The following DLGAP2 variants were observed in gnomAD, a reference collection of about 807,000 sequenced individuals.
The protein encoded by DLGAP2 is disks large-associated protein 2.
A neutral mutation model predicts 100.3 loss-of-function variants in DLGAP2; 26 were observed. That is an observed-to-expected ratio of 0.26 (90% CI 0.19 to 0.36). The LOEUF (loss-of-function observed/expected upper bound fraction) is 0.36. Among genes scored for constraint, DLGAP2 ranks in the 10% least tolerant of loss-of-function variants. DLGAP2 has a pLI of 1.00. For missense variants in DLGAP2, 1,858 were observed against 1,453.2 expected (o/e 1.28, Z -4.53); for synonymous variants, 886 against 630.1 (o/e 1.41, Z -6.08).
chr8:1,149,826 G>T (rs1040598783), intron 2 of DLGAP2, among the ~76,000 whole-genome samples: 4 of 151,934 alleles, frequency 2.6e-5, no homozygotes, highest in Non-Finnish European at 5.9e-5. Context: ...TTCACTTTCA[G>T]TAGTTCCTGA....
At chr8:982,420 C>T (rs1800363548) in intron 2 of DLGAP2, among the ~76,000 whole-genome samples, 1 of 152,198 alleles carries the variant, frequency 6.6e-6, no homozygotes, top group African/African-American at 2.4e-5. Flanking sequence ...CTAAGTGGAG[C>T]TGTTTAGCAA....
At chr8:1,659,713 C>G (rs752922059) in intron 8 of DLGAP2, among the ~76,000 whole-genome samples, 5 of 152,110 alleles carry the variant, frequency 3.3e-5, no homozygotes, top group Non-Finnish European at 7.4e-5. Context: ...TCCTCCATCC[C>G]TTTACTTTGA....
At chr8:1,617,207 T>C (rs1440383921) in intron 6 of DLGAP2, among the ~76,000 whole-genome samples, 7 of 152,252 alleles carry the variant, frequency 4.6e-5, no homozygotes, top group Non-Finnish European at 8.8e-5. Context: ...TGTGTTTTAA[T>C]GGTAGAATGA....
At chr8:824,476 C>T (rs1458452208) in intron 1 of DLGAP2, among the ~76,000 whole-genome samples, 1 of 152,148 alleles carries the variant, frequency 6.6e-6, no homozygotes, top group African/African-American at 2.4e-5. Flanking sequence ...CTTACTTTTC[C>T]TATATAAATA....
At chr8:1,635,971 C>T (rs1233772857) in intron 8 of DLGAP2, among the ~76,000 whole-genome samples, 1 of 152,204 alleles carries the variant, frequency 6.6e-6, no homozygotes, top group Non-Finnish European at 1.5e-5. Context: ...CCAGTAAGAA[C>T]AGAATACCCT....
chr8:792,910 C>T (rs925988097), intron 1 of DLGAP2, among the ~76,000 whole-genome samples: 4 of 152,060 alleles, frequency 2.6e-5, no homozygotes, highest in African/African-American at 9.7e-5. Context: ...TTTCACTTCC[C>T]ACGCATTTCT....
chr8:963,047 G>A (rs779791891), intron 2 of DLGAP2, among the ~76,000 whole-genome samples: 9 of 152,160 alleles, frequency 5.9e-5, no homozygotes, highest in African/African-American at 1.4e-4. Flanking sequence ...CCTCTCATCC[G>A]GGACTGTGTG....
At chr8:1,180,272 C>G (rs1259916949) in intron 2 of DLGAP2, among the ~76,000 whole-genome samples, 2 of 152,220 alleles carry the variant, frequency 1.3e-5, no homozygotes, top group Admixed American at 6.5e-5. Context: ...AACCCACATG[C>G]CAGTCAGACG....
chr8:1,052,285 C>G (rs2600516), intron 2 of DLGAP2, among the ~76,000 whole-genome samples: 1 of 152,218 alleles, frequency 6.6e-6, no homozygotes, highest in Admixed American at 6.5e-5. Context: ...TTCCTCCTTT[C>G]TACAAACTCT....
intron 3 of DLGAP2, among the ~76,000 whole-genome samples, chr8:1,409,939 A>G (rs977468456): frequency 1.3e-5 from 2 of 152,114 alleles, no homozygotes; most frequent in Non-Finnish European, 2.9e-5. Context: ...CTCCATAATC[A>G]TATGATCCAG....
At chr8:1,233,489 C>T (rs1218303807) in intron 2 of DLGAP2, among the ~76,000 whole-genome samples, 1 of 152,154 alleles carries the variant, frequency 6.6e-6, no homozygotes. Context: ...TCGCAGAGCG[C>T]AGGGAAGGTT....
chr8:1,389,521 G>C (rs1222917762), intron 3 of DLGAP2, among the ~76,000 whole-genome samples: 2 of 152,202 alleles, frequency 1.3e-5, no homozygotes, highest in African/African-American at 2.4e-5. Flanking sequence ...AAGAGGTGTG[G>C]ACGAGGCCGC....
chr8:1,503,263 C>T (rs1405549525), intron 4 of DLGAP2, among the ~76,000 whole-genome samples: 4 of 152,198 alleles, frequency 2.6e-5, no homozygotes, highest in African/African-American at 9.6e-5. Flanking sequence ...AAGTAAAACT[C>T]TGTCCCCATG....
Position 1,437,813 on chromosome 8 carries a change from CAAAAAAAAAA to C in DLGAP2, c.107-63539_107-63530del, listed in dbSNP as rs59165125. Reference sequence around the variant, plus strand: ...TGAAACCCCGTCTCTACTAAAAATACAAAAAAAAAAAAAAAAAAAAAAATTAGCCGGGCGT... The same window carrying C: ...TGAAACCCCGTCTCTACTAAAAATACAAAAAAAAAAAAATTAGCCGGGCGT... On this transcript the variant is annotated intron_variant, in intron 3 of 14. Transcript: ENST00000637795. Among the ~76,000 whole-genome samples the C allele has an allele frequency of 1.9e-4, 16 of 85,232 alleles. No individual in the cohort carries two copies. In the South Asian group the frequency reaches 2.1e-3, roughly 11 times the overall value. The allele number at this position is 85,232 out of a possible 152,430, so 55.9% of individuals were successfully genotyped here. A position where few individuals can be genotyped will look rare whatever the true frequency, so the allele number is the denominator to read the frequency against.
At chr8:1,648,483 C>T (rs958310329) in intron 8 of DLGAP2, among the ~76,000 whole-genome samples, 1 of 152,168 alleles carries the variant, frequency 6.6e-6, no homozygotes, top group Non-Finnish European at 1.5e-5. Context: ...AAACCCAAGG[C>T]AATACCAAAA....
intron 2 of DLGAP2, among the ~76,000 whole-genome samples, chr8:1,194,473 C>T (rs1183228445): frequency 6.6e-6 from 1 of 152,138 alleles, no homozygotes; most frequent in Non-Finnish European, 1.5e-5. Flanking sequence ...CAGAGCTTCC[C>T]TCAGTCCCAC....
At chr8:1,605,166 C>A (rs571218110) in intron 6 of DLGAP2, among the ~76,000 whole-genome samples, 23 of 152,260 alleles carry the variant, frequency 1.5e-4, no homozygotes, top group African/African-American at 5.3e-4. Context: ...GGGTGAGCAA[C>A]ATCCGTGACT....
chr8:1,110,740 A>G (rs1176002267), intron 2 of DLGAP2, among the ~76,000 whole-genome samples: 1 of 133,654 alleles, frequency 7.5e-6, no homozygotes, highest in Non-Finnish European at 1.5e-5. Context: ...TTTGAGAGAC[A>G]TTGAGTGTCC....
intron 1 of DLGAP2, among the ~76,000 whole-genome samples, chr8:894,357 A>G (rs1044413260): frequency 2.0e-5 from 3 of 152,186 alleles, no homozygotes; most frequent in African/African-American, 7.2e-5. Flanking sequence ...CGTTCACAGC[A>G]GCCAAGATGC....
Sources: allele counts gnomAD v4.1 joint callset (sites outside exome capture counted in the v4.1 genomes callset), GRCh38; gene constraint gnomAD v4.1.1; transcripts MANE v1.5; gene names NCBI Gene and HGNC (gene_info 2026-07-23, HGNC 2026-07-21).